The following NKAIN2 variants were observed in gnomAD, a reference collection of about 807,000 sequenced individuals.
NKAIN2 encodes sodium/potassium-transporting ATPase subunit beta-1-interacting protein 2.
A neutral mutation model predicts 32.6 loss-of-function variants in NKAIN2; 14 were observed. The observed-to-expected ratio is 0.43, with a 90% confidence interval of 0.28 to 0.67. The LOEUF (loss-of-function observed/expected upper bound fraction) is 0.67. NKAIN2 is among the 30% of genes least tolerant of loss of function. The pLI is 0.17. For missense variants in NKAIN2, 198 were observed against 258.3 expected (o/e 0.77, Z 1.60); for synonymous variants, 80 against 87.2 (o/e 0.92, Z 0.46).
chr6:124,548,715 A>C (rs1780183629), intron 3 of NKAIN2, among the ~76,000 whole-genome samples: 1 of 152,224 alleles, frequency 6.6e-6, no homozygotes. Context: ...CTGAATTTAC[A>C]GAGAAGGAAA....
chr6:124,015,850 A>G (rs185464840), intron 1 of NKAIN2, among the ~76,000 whole-genome samples: 36 of 152,282 alleles, frequency 2.4e-4, no homozygotes, highest in East Asian at 3.9e-4. Flanking sequence ...CAGTAAGCAC[A>G]CTGAACAGGG....
intron 3 of NKAIN2, among the ~76,000 whole-genome samples, chr6:124,580,511 A>G (rs1331962764): frequency 6.6e-6 from 1 of 152,232 alleles, no homozygotes; most frequent in Non-Finnish European, 1.5e-5. Context: ...AACATACAAC[A>G]GATGCACAAA....
chr6:124,046,832 G>A (rs1363505852), intron 1 of NKAIN2, among the ~76,000 whole-genome samples: 12 of 151,908 alleles, frequency 7.9e-5, no homozygotes, highest in Admixed American at 7.2e-4. Context: ...CCATAGAACT[G>A]GAGAATGAAA....
intron 5 of NKAIN2, among the ~76,000 whole-genome samples, chr6:124,809,013 C>T (rs1780742140): frequency 6.6e-6 from 1 of 152,222 alleles, no homozygotes; most frequent in African/African-American, 2.4e-5. Context: ...ACATTCCATG[C>T]TCATGGGTAA....
At chr6:124,336,655 A>G in intron 2 of NKAIN2, among the ~76,000 whole-genome samples, 1 of 151,250 alleles carries the variant, frequency 6.6e-6, no homozygotes, top group East Asian at 1.9e-4. Context: ...AGTACTTCTA[A>G]CTGAAATAGT....
At chr6:124,531,756 C>T (rs1413562559) in intron 3 of NKAIN2, among the ~76,000 whole-genome samples, 22 of 152,248 alleles carry the variant, frequency 1.4e-4, no homozygotes, top group East Asian at 1.2e-3. Flanking sequence ...TGGCCACCTC[C>T]GCCTCCCTGG....
intron 4 of NKAIN2, among the ~76,000 whole-genome samples, chr6:124,687,581 T>TCCATATATAC (rs1774027049): frequency 2.1e-5 from 1 of 48,576 alleles, no homozygotes; most frequent in African/African-American, 8.9e-5. Context: ...AATATATATT[T>TCCATATATAC]ATAATATAAA....
At chr6:124,073,316 A>G (rs1422748927) in intron 1 of NKAIN2, among the ~76,000 whole-genome samples, 1 of 152,244 alleles carries the variant, frequency 6.6e-6, no homozygotes, top group South Asian at 2.1e-4. Context: ...CATTCACTAC[A>G]CAAGCATAGA....
In NKAIN2 at chr6:124,644,663, C is replaced by G. The variant is rs113989818; in HGVS notation, c.274-13523C>G. Among the ~76,000 whole-genome samples, 1,254 of 152,260 alleles carry G rather than the reference C, an allele frequency of 8.2e-3. 20 individuals carry two copies. Among genetic ancestry groups the G allele is most frequent in the African/African-American group, 0.028 (1,169 of 41,534 alleles). ...TTGTGATCCGCCTGCCTCGGCCCCC[C>G]CAAAGTGCTGGGATTATATGGCATG... On this transcript the variant is annotated intron_variant, in intron 3 of 6. Coordinates refer to ENST00000368417, the MANE Select transcript of NKAIN2 (RefSeq NM_001040214.3).
chr6:124,136,758 TGTG>T (rs1197263022), intron 1 of NKAIN2, among the ~76,000 whole-genome samples: 1 of 152,068 alleles, frequency 6.6e-6, no homozygotes, highest in Non-Finnish European at 1.5e-5. Flanking sequence ...ACAAAAATCA[TGTG>T]GTCATCTCAA....
intron 1 of NKAIN2, among the ~76,000 whole-genome samples, chr6:123,872,190 C>A (rs746531859): frequency 6.6e-6 from 1 of 152,080 alleles, no homozygotes; most frequent in Non-Finnish European, 1.5e-5. Flanking sequence ...GGTGAGGATT[C>A]AAGTAAAAGC....
chr6:124,360,848 A>G (rs113514479), intron 3 of NKAIN2, among the ~76,000 whole-genome samples: 1 of 152,200 alleles, frequency 6.6e-6, no homozygotes, highest in African/African-American at 2.4e-5. Context: ...TGTTAAGGAA[A>G]CTGAGAAAAA....
intron 3 of NKAIN2, among the ~76,000 whole-genome samples, chr6:124,624,785 T>TA (rs1783242226): frequency 6.6e-6 from 1 of 152,200 alleles, no homozygotes; most frequent in South Asian, 2.1e-4. Flanking sequence ...TGTCTTGAAT[T>TA]AGAGTATGTA....
intron 2 of NKAIN2, among the ~76,000 whole-genome samples, chr6:124,330,964 C>A (rs974699626): frequency 5.3e-5 from 8 of 151,976 alleles, no homozygotes; most frequent in Non-Finnish European, 7.4e-5. Context: ...AGTTTCATCC[C>A]GAAACCATCC....
chr6:123,846,868 CAT>C (rs1395711482), intron 1 of NKAIN2, among the ~76,000 whole-genome samples: 7 of 149,006 alleles, frequency 4.7e-5, no homozygotes, highest in African/African-American at 1.2e-4. Flanking sequence ...ACACATAACA[CAT>C]GTCTCTTATT....
chr6:124,443,996 G>A (rs758480672), intron 3 of NKAIN2, among the ~76,000 whole-genome samples: 1 of 151,850 alleles, frequency 6.6e-6, no homozygotes, highest in Non-Finnish European at 1.5e-5. Context: ...ATATAGCAGA[G>A]TTTTGGTTTT....
At chr6:123,805,557 A>G (rs1049080521) in intron 1 of NKAIN2, among the ~76,000 whole-genome samples, 2 of 152,190 alleles carry the variant, frequency 1.3e-5, no homozygotes, top group African/African-American at 4.8e-5. Context: ...AGATGGAACT[A>G]TAAATGTAAT....
chr6:124,218,271 G>C (rs559822051), intron 1 of NKAIN2, among the ~76,000 whole-genome samples: 1 of 152,048 alleles, frequency 6.6e-6, no homozygotes, highest in African/African-American at 2.4e-5. Flanking sequence ...TTGTTTTGGC[G>C]CGTGCGTGGA....
At chr6:124,162,701 A>G (rs1788340396) in intron 1 of NKAIN2, among the ~76,000 whole-genome samples, 1 of 152,070 alleles carries the variant, frequency 6.6e-6, no homozygotes, top group African/African-American at 2.4e-5. Flanking sequence ...GTCCTAGTGA[A>G]AGAAGCCATC....
Sources: gnomAD v4.1 joint callset for allele counts (sites outside exome capture counted in the v4.1 genomes callset) on GRCh38, gnomAD v4.1.1 for gene constraint, MANE v1.5 for transcripts, NCBI Gene and HGNC (gene_info 2026-07-23, HGNC 2026-07-21) for gene names.